NBEAL2: variants seen among roughly 807,000 people sequenced by gnomAD.
NBEAL2 encodes neurobeachin like 2, also known as neurobeachin-like protein 2.
Under a neutral mutation model 299.8 loss-of-function variants are expected in NBEAL2, and 160 were observed. The observed-to-expected ratio is 0.53, with a 90% confidence interval of 0.47 to 0.61. The LOEUF (loss-of-function observed/expected upper bound fraction) is 0.61. Ranked by LOEUF, NBEAL2 falls within the 20% of genes least tolerant of loss-of-function variation. NBEAL2 has a pLI of 0.00. For missense variants in NBEAL2, 3,112 were observed against 3,649.0 expected (o/e 0.85, Z 3.79); for synonymous variants, 1,493 against 1,542.3 (o/e 0.97, Z 0.75).
Position 47,009,439 on chromosome 3 carries a change from C to A in NBEAL2, c.*119C>A. 1.1e-6 allele frequency: 1 copy of A among 900,778 alleles called. No individual in the cohort carries two copies. The highest frequency in any genetic ancestry group is 1.5e-5 in the South Asian group (1 of 64,672). The allele number at this position is 900,778 out of a possible 1,614,324, so 55.8% of individuals were successfully genotyped here. ...GCCCAGGGGGGTGAGCGGGGCCCAC[C>A]CTGCCCAGCTCAGGGATTGGCGGGC... On this transcript the variant is annotated 3_prime_UTR_variant, in exon 54 of 54. Coordinates refer to ENST00000450053, the MANE Select transcript of NBEAL2 (RefSeq NM_015175.3).
chr3:46,993,520 T>C (rs959494266), intron 10 of NBEAL2, among the ~76,000 whole-genome samples: 2 of 152,202 alleles, frequency 1.3e-5, no homozygotes, highest in African/African-American at 4.8e-5. Context: ...CTGTGATTGA[T>C]TGTCCCTAAA....
At chr3:46,981,356 C>T (rs1389158533) in intron 1 of NBEAL2, among the ~76,000 whole-genome samples, 6 of 152,098 alleles carry the variant, frequency 3.9e-5, no homozygotes, top group Admixed American at 3.9e-4. Flanking sequence ...GCAGGAGAAT[C>T]GCTTGAACCA....
In NBEAL2 at chr3:46,999,730, T is replaced by A. The variant is rs1411348381; in HGVS notation, c.3789+15T>A. Reference sequence around the variant, plus strand: ...TCTGTCGCCAGGTGAGCATGAGAGGTAAAAGCTTTGGGGGAGGGGGAGGGT... The same window carrying A: ...TCTGTCGCCAGGTGAGCATGAGAGGAAAAAGCTTTGGGGGAGGGGGAGGGT... On this transcript the variant is annotated intron_variant, in intron 26 of 53. Coordinates refer to ENST00000450053, the MANE Select transcript of NBEAL2 (RefSeq NM_015175.3). 6.2e-7 allele frequency: 1 copy of A among 1,610,734 alleles called. No homozygotes were observed. The highest frequency in any genetic ancestry group is 8.5e-7 in the Non-Finnish European group (1 of 1,178,632).
At chr3:46,999,748 G>T in intron 26 of NBEAL2, 33 bp downstream of exon 26, 1 of 1,602,648 alleles carries the variant, frequency 6.2e-7, no homozygotes, top group East Asian at 2.3e-5. Context: ...TTGGGGGAGG[G>T]GGAGGGTGGC....
intron 26 of NBEAL2, 76 bp from the exon 27 acceptor site, chr3:46,999,813 C>A: frequency 3.1e-6 from 5 of 1,595,418 alleles, no homozygotes; most frequent in Non-Finnish European, 4.3e-6. Flanking sequence ...CTGGAGCCCT[C>A]CTCTGCAAAG....
rs775114659 is a variant in NBEAL2 at position 47,004,154 on chromosome 3, G to A, written c.5959G>A (p.Ala1987Thr). The A allele has an allele frequency of 2.5e-6, 4 of 1,613,754 alleles. No homozygotes were observed. Among genetic ancestry groups the A allele is most frequent in the Non-Finnish European group, 3.4e-6 (4 of 1,179,796 alleles). ...HLRRFNLRRS[A>T]LELFFIDQAN... is the part of the protein sequence containing the mutation. ...GCGGCGTTTCAACCTGCGCCGTTCA[G>A]CACTTGAGCTCTTCTTTATCGATCA... The change falls in exon 37 of 54, where the codon GCA becomes ACA. Residue 1987 changes from alanine to threonine, a missense_variant. Transcript: ENST00000450053. The surrounding 1 kb of genome is among the most constrained non-coding windows in gnomAD (Gnocchi z 5.0).
At position 47,001,383 on chromosome 3, in the gene NBEAL2, T is replaced by A; in HGVS notation, c.4589T>A (p.Leu1530Gln). 1 of 1,613,292 alleles carries A rather than the reference T, an allele frequency of 6.2e-7. No homozygotes were observed. The stretch of plus-strand genomic sequence containing the variant: ...CAAGCGCTTTGGCTGCTGCGTCTGC[T>A]GCAGGACTTCCTGTGTGCTGAAGGC... ...TQQALWLLRLLQDFLCAEGHG... is the reference protein window; with the variant it reads ...TQQALWLLRLQQDFLCAEGHG... The change falls in exon 29 of 54, where the codon CTG (leucine) becomes CAG (glutamine). Residue 1530 changes from leucine (L) to glutamine (Q), a missense_variant. This residue lies in a region of NBEAL2 where 2,243 missense variants were observed against 2,538.1 expected (regional missense o/e 0.88). Transcript: ENST00000450053. This position sits in a 1 kb window ranked among gnomAD's most constrained non-coding sequence, Gnocchi z 6.1.
Position 47,005,099 on chromosome 3 carries a change from G to A in NBEAL2, c.6419+3G>A. 6.2e-7 allele frequency: 1 copy of A among 1,613,888 alleles called. No individual in the cohort carries two copies. The highest frequency in any genetic ancestry group is 1.1e-5 in the South Asian group (1 of 91,090). Reference sequence around the variant, plus strand: ...CATGCCCAGCTCGTGAGGGAGAAGTGAGCATGTGGGCAGGGCTGGGCTCAG... The same window carrying A: ...CATGCCCAGCTCGTGAGGGAGAAGTAAGCATGTGGGCAGGGCTGGGCTCAG... On this transcript the variant is annotated splice_donor_region_variant and intron_variant, in intron 39 of 53. Coordinates refer to ENST00000450053, the MANE Select transcript of NBEAL2 (RefSeq NM_015175.3).
At position 47,000,911 on chromosome 3, in the gene NBEAL2, G is replaced by A; in HGVS notation, c.4306-90G>A. On this transcript the variant is annotated intron_variant, in intron 27 of 53. Coordinates refer to ENST00000450053, the MANE Select transcript of NBEAL2 (RefSeq NM_015175.3). The surrounding 1 kb of genome is among the most constrained non-coding windows in gnomAD (Gnocchi z 4.5). ...GACTCCTGGGTGGCTACCCCAGGAG[G>A]GGTGCTGAGTGGGGATGGGTGGGCG... The A allele has an allele frequency of 1.3e-6, 2 of 1,531,870 alleles. No individual in the cohort carries two copies. The highest frequency in any genetic ancestry group is 1.2e-5 in the South Asian group (1 of 82,668). 94.9% of individuals were successfully genotyped at this position (1,531,870 alleles called of 1,614,324 possible). A position where few individuals can be genotyped will look rare whatever the true frequency, so the allele number is the denominator to read the frequency against.
In NBEAL2 at chr3:46,991,845, A is replaced by T. The variant is rs1324901501; in HGVS notation, c.931A>T (p.Ile311Phe). 12 of 1,595,510 alleles carry T rather than the reference A, an allele frequency of 7.5e-6. No homozygotes were observed. The highest frequency in any genetic ancestry group is 9.4e-6 in the Non-Finnish European group (11 of 1,171,178). Reference protein sequence around the residue: ...VTLRVSMLDAIPMMLACEDRP... With the variant: ...VTLRVSMLDAFPMMLACEDRP... The stretch of plus-strand genomic sequence containing the variant: ...GACCCTTGACCCTTCCACAGACGCC[A>T]TCCCCATGATGCTGGCATGTGAAGA... Residue 311 changes from isoleucine to phenylalanine, a missense_variant, in exon 9 of 54, where the codon ATC becomes TTC. Transcript: ENST00000450053. The surrounding 1 kb of genome is among the most constrained non-coding windows in gnomAD (Gnocchi z 6.2).
rs750160418 is a variant in NBEAL2, at chr3:47,003,012, C to T, written c.5515C>T (p.Arg1839Cys). ...LSSAETYSRM[R>C]LKLVPNHHFD... ...CAGCGCCGAGACATATTCACGCATG[C>T]GTCTGAAGCTGGTGCCCAACCATCA... Residue 1839 changes from arginine (R) to cysteine (C), a missense_variant, in exon 34 of 54, where the codon CGT becomes TGT. This residue lies in a region of NBEAL2 where 2,243 missense variants were observed against 2,538.1 expected (regional missense o/e 0.88). Transcript: ENST00000450053. The surrounding 1 kb of genome is among the most constrained non-coding windows in gnomAD (Gnocchi z 7.0). 4 of 1,613,428 alleles carry T rather than the reference C, an allele frequency of 2.5e-6. No individual in the cohort carries two copies. Among genetic ancestry groups the T allele is most frequent in the Admixed American group, 1.7e-5 (1 of 59,978 alleles).
Position 47,004,566 on chromosome 3 carries a change from C to T in NBEAL2, c.6270C>T (p.Tyr2090=), listed in dbSNP as rs2107432157. The change falls in exon 38 of 54, where the codon TAC becomes TAT. Residue 2090 remains tyrosine (Y), a synonymous_variant. Coordinates refer to ENST00000450053, the MANE Select transcript of NBEAL2 (RefSeq NM_015175.3). This position sits in a 1 kb window ranked among gnomAD's most constrained non-coding sequence, Gnocchi z 5.0. The part of the protein sequence containing the change: ...MQLNTIAGRT[Y]NDLSQYPVFP... ...TCAACACCATTGCGGGGCGGACCTA[C>T]AATGACCTGTCTCAGTACCCTGTGG... is the stretch of plus-strand genomic sequence containing the variant. The T allele has an allele frequency of 6.2e-7, 1 of 1,613,756 alleles. No individual in the cohort carries two copies. Among genetic ancestry groups the T allele is most frequent in the East Asian group, 2.2e-5 (1 of 44,880 alleles).
Position 46,995,500 on chromosome 3 carries a change from G to A in NBEAL2, c.1765G>A (p.Gly589Ser), listed in dbSNP as rs2107341529. 6.2e-7 allele frequency: 1 copy of A among 1,612,888 alleles called. No individual in the cohort carries two copies. Among genetic ancestry groups the A allele is most frequent in the East Asian group, 2.2e-5 (1 of 44,884 alleles). Reference sequence around the variant, plus strand: ...CTTTGACCTCACGCCCAGCATGGCGGGCATCATGGTACCCCCTGTACAGCG... The same window carrying A: ...CTTTGACCTCACGCCCAGCATGGCGAGCATCATGGTACCCCCTGTACAGCG... ...RYFDLTPSMAGIMVPPVQRWP... is the reference protein window; with the variant it reads ...RYFDLTPSMASIMVPPVQRWP... The change falls in exon 13 of 54, where the codon GGC (glycine) becomes AGC (serine). Residue 589 changes from glycine to serine, a missense_variant. Gly to Ser is a moderately conservative substitution (Grantham distance 56). Transcript: ENST00000450053.
Position 46,999,083 on chromosome 3 carries a change from G to A in NBEAL2, c.3509G>A (p.Gly1170Glu). ...EVLLALLVRP[G>E]SLPLLPDRVC... ...CTACTGGCCCTGCTAGTGCGGCCAG[G>A]GTCACTGCCCCTGCTGCCCGATCGA... The change falls in exon 24 of 54, where the codon GGG (glycine) becomes GAG (glutamate). Residue 1170 changes from glycine (G) to glutamate (E), a missense_variant. Transcript: ENST00000450053. 6.3e-7 allele frequency: 1 copy of A among 1,589,198 alleles called. No homozygotes were observed. Among genetic ancestry groups the A allele is most frequent in the East Asian group, 2.3e-5 (1 of 43,178 alleles).
intron 12 of NBEAL2, 96 bp downstream of exon 12, chr3:46,994,649 T>C (rs2036346904): frequency 1.9e-6 from 2 of 1,064,808 alleles, no homozygotes; most frequent in Middle Eastern, 2.7e-4. Flanking sequence ...GGGACCGTAT[T>C]GACTGCGGCC....
In NBEAL2 at chr3:46,989,443, G is replaced by A; in HGVS notation, c.473+62G>A. 1 of 1,564,312 alleles carries A rather than the reference G, an allele frequency of 6.4e-7. No individual in the cohort carries two copies. ...GGTGGGGAGAGGATGGCCGCGCTGG[G>A]CCCAAGGAGGGGTGACGGCCAGGAG... is the stretch of plus-strand genomic sequence containing the variant. On this transcript the variant is annotated intron_variant, in intron 5 of 53. Transcript: ENST00000450053. The surrounding 1 kb of genome is among the most constrained non-coding windows in gnomAD (Gnocchi z 5.5).
intron 32 of NBEAL2, 21 bp from the exon 33 acceptor site, chr3:47,002,624 G>A (rs2037107217): frequency 6.2e-7 from 1 of 1,608,394 alleles, no homozygotes; most frequent in East Asian, 2.2e-5. Context: ...CCAGGGGACT[G>A]ACCTATTACC....
chr3:47,005,356 C>T (rs1462020861), intron 40 of NBEAL2, 35 bp downstream of exon 40: 1 of 1,594,000 alleles, frequency 6.3e-7, no homozygotes, highest in Middle Eastern at 1.7e-4. Flanking sequence ...GACTAGGGGG[C>T]AGATAAGGGG....
At position 46,988,736 on chromosome 3, in the gene NBEAL2, T is replaced by C; in HGVS notation, c.119T>C (p.Leu40Pro). ...GGTGCCTTCAAGAAGAGCATCTCAC[T>C]GTCCTCTCTGGAGCCACGAAGGTGA... The part of the protein sequence containing the change: ...FVGAFKKSIS[L>P]SSLEPRRPEE... Residue 40 changes from leucine (L) to proline (P), a missense_variant, in exon 2 of 54, where the codon CTG becomes CCG. Leu to Pro is a moderately conservative substitution (Grantham distance 98, BLOSUM62 -3). Coordinates refer to ENST00000450053, the MANE Select transcript of NBEAL2 (RefSeq NM_015175.3). The surrounding 1 kb of genome is among the most constrained non-coding windows in gnomAD (Gnocchi z 4.4). 6.2e-7 allele frequency: 1 copy of C among 1,613,750 alleles called. No individual in the cohort carries two copies. The highest frequency in any genetic ancestry group is 8.5e-7 in the Non-Finnish European group (1 of 1,179,664).
Sources: gnomAD v4.1 joint callset for allele counts (sites outside exome capture counted in the v4.1 genomes callset) on GRCh38, gnomAD v4.1.1 for gene constraint, gnomAD v4.1.1 regional missense constraint, Gnocchi (gnomAD v3.1) non-coding constraint, MANE v1.5 for transcripts, NCBI Gene and HGNC (gene_info 2026-07-23, HGNC 2026-07-21) for gene names.